TALDO1: variants seen among roughly 807,000 people sequenced by gnomAD.
The protein encoded by TALDO1 is transaldolase 1, also known as transaldolase.
Under a neutral mutation model 38.1 loss-of-function variants are expected in TALDO1, and 29 were observed. That is an observed-to-expected ratio of 0.76 (90% CI 0.57 to 1.04). The LOEUF is 1.04. Among genes scored for constraint, TALDO1 ranks in the 50% least tolerant of loss-of-function variants. The probability of loss-of-function intolerance (pLI) is 0.00; values close to 1 mark genes in which losing one functional copy is unlikely to be tolerated. For synonymous variants in TALDO1, 207 were observed against 176.8 expected (o/e 1.17, Z -1.36); for missense variants, 499 against 438.1 (o/e 1.14, Z -1.24).
At position 763,337 on chromosome 11, in the gene TALDO1, C is replaced by T; in HGVS notation, c.462-7C>T. 6.2e-7 allele frequency: 1 copy of T among 1,600,502 alleles called. No individual in the cohort carries two copies. The highest frequency in any genetic ancestry group is 8.5e-7 in the Non-Finnish European group (1 of 1,173,786). On this transcript the variant is annotated splice_polypyrimidine_tract_variant and splice_region_variant and intron_variant, in intron 4 of 7. Coordinates refer to ENST00000319006, the MANE Select transcript of TALDO1 (RefSeq NM_006755.2). Reference sequence around the variant, plus strand: ...CTGCCCCGCCCTCACCTGTCCCCGCCCCGCAGGGAGCTCGAGGAGCAGCAC... The same window carrying T: ...CTGCCCCGCCCTCACCTGTCCCCGCTCCGCAGGGAGCTCGAGGAGCAGCAC...
Position 764,839 on chromosome 11 carries a change from A to C in TALDO1, c.1008A>C (p.Gly336=), listed in dbSNP as rs199841472. The stretch of plus-strand genomic sequence containing the variant: ...AACGAATGTTCAATGCAGAGAATGG[A>C]AAGTAGCGCATCCCTGAGGCTGGAC... The part of the protein sequence containing the change: ...LTERMFNAEN[G]K Residue 336 remains glycine (G), a synonymous_variant, in exon 8 of 8, where the codon GGA becomes GGC. Coordinates refer to ENST00000319006, the MANE Select transcript of TALDO1 (RefSeq NM_006755.2). The C allele has an allele frequency of 4.3e-6, 7 of 1,614,032 alleles. No individual in the cohort carries two copies. The East Asian group carries it at 1.6e-4, about 36-fold the overall frequency.
intron 1 of TALDO1, chr11:755,673 G>C (rs1862823428): frequency 4.5e-6 from 3 of 668,756 alleles, no homozygotes; most frequent in Non-Finnish European, 5.2e-6. Context: ...GGCACTTAGT[G>C]TTTGTTGTTC....
chr11:754,626 C>A (rs911731961), intron 1 of TALDO1, among the ~76,000 whole-genome samples: 1 of 152,018 alleles, frequency 6.6e-6, no homozygotes, highest in African/African-American at 2.4e-5. Context: ...CATGTGTCAC[C>A]ACACCCAGCT....
At chr11:758,213 G>A (rs1862871583) in intron 2 of TALDO1, among the ~76,000 whole-genome samples, 1 of 152,146 alleles carries the variant, frequency 6.6e-6, no homozygotes, top group African/African-American at 2.4e-5. Flanking sequence ...GAACCGCGGG[G>A]GGCAGAGCTG....
At chr11:763,007 T>C (rs188047956) in intron 4 of TALDO1, among the ~76,000 whole-genome samples, 1 of 152,324 alleles carries the variant, frequency 6.6e-6, no homozygotes, top group Admixed American at 6.5e-5. Context: ...CCTTTGTCTA[T>C]TGTGTCATGT....
intron 4 of TALDO1, among the ~76,000 whole-genome samples, chr11:762,168 TAGTC>T (rs781249966): frequency 1.6e-4 from 25 of 151,998 alleles, no homozygotes; most frequent in Non-Finnish European, 3.4e-4. Flanking sequence ...TTTCTCATGT[TAGTC>T]AGGCTGATCT....
intron 2 of TALDO1, among the ~76,000 whole-genome samples, chr11:757,738 A>C (rs2133575300): frequency 6.6e-6 from 1 of 152,334 alleles, no homozygotes; most frequent in African/African-American, 2.4e-5. Flanking sequence ...AAAATATAAT[A>C]TTTTGCAAGT....
chr11:752,939 C>T (rs1227790527), intron 1 of TALDO1, among the ~76,000 whole-genome samples: 1 of 152,084 alleles, frequency 6.6e-6, no homozygotes, highest in Non-Finnish European at 1.5e-5. Flanking sequence ...GAGGCTGTCT[C>T]CAGGTAGACA....
rs1288066290 is a variant in TALDO1, at chr11:764,836, T to A, written c.1005T>A (p.Asn335Lys). 1 of 1,614,128 alleles carries A rather than the reference T, an allele frequency of 6.2e-7. No homozygotes were observed. Among genetic ancestry groups the A allele is most frequent in the Admixed American group, 1.7e-5 (1 of 60,018 alleles). The change falls in exon 8 of 8, where the codon AAT (asparagine) becomes AAA (lysine). Residue 335 changes from asparagine to lysine, a missense_variant. Asn to Lys is a moderately conservative substitution (Grantham distance 94). Coordinates refer to ENST00000319006, the MANE Select transcript of TALDO1 (RefSeq NM_006755.2). ...AGGAACGAATGTTCAATGCAGAGAATGGAAAGTAGCGCATCCCTGAGGCTG... is the reference window on the plus strand; with the variant it reads ...AGGAACGAATGTTCAATGCAGAGAAAGGAAAGTAGCGCATCCCTGAGGCTG... ...MLTERMFNAE[N>K]GK is the part of the protein sequence containing the mutation.
At chr11:761,230 G>C (rs185151100) in intron 4 of TALDO1, among the ~76,000 whole-genome samples, 4 of 151,716 alleles carry the variant, frequency 2.6e-5, no homozygotes, top group Admixed American at 6.6e-5. Context: ...TAGCTACATG[G>C]GAGGCTGAAG....
Position 764,890 on chromosome 11 carries a change from G to A in TALDO1, c.*45G>A. ...TCCAGATCTGCACCGCCGGCCAGCT[G>A]GGATCTGACTGCACGTGGCTTCTGA... On this transcript the variant is annotated 3_prime_UTR_variant, in exon 8 of 8. Coordinates refer to ENST00000319006, the MANE Select transcript of TALDO1 (RefSeq NM_006755.2). 6.2e-7 allele frequency: 1 copy of A among 1,613,342 alleles called. No individual in the cohort carries two copies. The highest frequency in any genetic ancestry group is 8.5e-7 in the Non-Finnish European group (1 of 1,179,762).
At chr11:755,135 CTTTTTTTTTTTTT>C (rs71022966) in intron 1 of TALDO1, among the ~76,000 whole-genome samples, 4 of 59,604 alleles carry the variant, frequency 6.7e-5, no homozygotes, top group East Asian at 5.3e-4. Context: ...TCCCCTTGGC[CTTTTTTTTTTTTT>C]TTTTTTTTTT....
In TALDO1 at chr11:759,251, GTTTT is replaced by G. The variant is rs796476050; in HGVS notation, c.329+197_329+200del. Among the ~76,000 whole-genome samples the G allele has an allele frequency of 4.8e-4, 73 of 152,116 alleles. 1 individual carries two copies. The highest frequency in any genetic ancestry group is 1.6e-3 in the African/African-American group (68 of 41,528). On this transcript the variant is annotated intron_variant, in intron 3 of 7. Transcript: ENST00000319006. ...CCTTGTTTAGCAACTGATCTCTAGT[GTTTT>G]TTATTTTTATTTTTATTTATTTTTG... is the stretch of plus-strand genomic sequence containing the variant.
chr11:764,169 GGGCCAA>G lies in TALDO1; in HGVS notation c.836-114_836-109del, dbSNP rs1382516466. The stretch of plus-strand genomic sequence containing the variant: ...CCCACTTCCAGCGTGAGCCTTGCTG[GGGCCAA>G]GGCCTGGCCCTGGTGGGAGATGCTT... On this transcript the variant is annotated intron_variant, in intron 6 of 7. Transcript: ENST00000319006. The G allele has an allele frequency of 2.6e-6, 4 of 1,566,584 alleles. No individual in the cohort carries two copies. The African/African-American group carries it at 5.4e-5, about 21-fold the overall frequency.
chr11:762,613 G>C (rs753568067), intron 4 of TALDO1, among the ~76,000 whole-genome samples: 2 of 152,204 alleles, frequency 1.3e-5, no homozygotes, highest in Non-Finnish European at 2.9e-5. Context: ...ACACCCCCGT[G>C]TGGCCATGTG....
chr11:761,814 T>G (rs928510775), intron 4 of TALDO1, among the ~76,000 whole-genome samples: 7 of 152,076 alleles, frequency 4.6e-5, no homozygotes, highest in Admixed American at 4.6e-4. Flanking sequence ...GTGGCTGGGA[T>G]GACAAGCACA....
intron 1 of TALDO1, among the ~76,000 whole-genome samples, chr11:753,594 C>T (rs565278331): frequency 1.3e-5 from 2 of 151,078 alleles, no homozygotes; most frequent in Non-Finnish European, 2.9e-5. Context: ...CGTGGTGGCT[C>T]GTGCCTGTAA....
intron 1 of TALDO1, among the ~76,000 whole-genome samples, chr11:749,898 T>G (rs1862722706): frequency 6.6e-6 from 1 of 152,178 alleles, no homozygotes; most frequent in Non-Finnish European, 1.5e-5. Context: ...CTTGTCATGT[T>G]GAAATGGGTA....
chr11:752,668 A>G (rs1003358967), intron 1 of TALDO1, among the ~76,000 whole-genome samples: 3 of 152,312 alleles, frequency 2.0e-5, no homozygotes, highest in Admixed American at 1.3e-4. Context: ...CAGGGTGGGC[A>G]TGGAGGCACC....
Sources: gnomAD v4.1 joint callset for allele counts (sites outside exome capture counted in the v4.1 genomes callset) on GRCh38, gnomAD v4.1.1 for gene constraint, MANE v1.5 for transcripts, NCBI Gene and HGNC (gene_info 2026-07-23, HGNC 2026-07-21) for gene names.